Variants in TTL observed in about 807,000 individuals in gnomAD.
TTL encodes tubulin--tyrosine ligase.
TTL carries 10 observed loss-of-function variants against 41.1 expected under a neutral mutation model. That is an observed-to-expected ratio of 0.24 (90% CI 0.15 to 0.41). The LOEUF (loss-of-function observed/expected upper bound fraction) is 0.41, where lower values mean the gene tolerates loss of function less well. Ranked by LOEUF, TTL falls within the 10% of genes least tolerant of loss-of-function variation. TTL has a pLI of 1.00. For missense variants in TTL, 367 were observed against 460.4 expected (o/e 0.80, Z 1.86); for synonymous variants, 175 against 175.5 (o/e 1.00, Z 0.02).
chr2:112,485,834 A>G (rs1230327342), intron 1 of TTL, 83 bp from the exon 2 acceptor site: 1 of 1,248,146 alleles, frequency 8.0e-7, no homozygotes, highest in Admixed American at 2.2e-5. Flanking sequence ...GATGAGAGAG[A>G]GAAAAGCTGG....
intron 5 of TTL, among the ~76,000 whole-genome samples, chr2:112,515,618 A>T (rs528287566): frequency 6.6e-6 from 1 of 152,316 alleles, no homozygotes; most frequent in South Asian, 2.1e-4. Flanking sequence ...CATTTACAGC[A>T]TCCCAGAAGA....
At chr2:112,528,335 C>T (rs1287558200) in intron 6 of TTL, among the ~76,000 whole-genome samples, 2 of 152,172 alleles carry the variant, frequency 1.3e-5, no homozygotes, top group Non-Finnish European at 2.9e-5. Context: ...CACGGTGGCT[C>T]ACGCCTGTAA....
At position 112,531,202 on chromosome 2, in the gene TTL, C is replaced by T; in HGVS notation, c.*2407C>T. The T allele has an allele frequency of 4.5e-6, 1 of 221,636 alleles. No homozygotes were observed. Among genetic ancestry groups the T allele is most frequent in the Non-Finnish European group, 9.1e-6 (1 of 110,384 alleles). 13.7% of individuals were successfully genotyped at this position (221,636 alleles called of 1,614,324 possible). The stretch of plus-strand genomic sequence containing the variant: ...TGGTTCAGAACTGTTCCTTTCCCTT[C>T]CATGATGTCCTTGACACAGAAGGTT... On this transcript the variant is annotated 3_prime_UTR_variant, in exon 7 of 7. Coordinates refer to ENST00000233336, the MANE Select transcript of TTL (RefSeq NM_153712.5).
chr2:112,537,930 G>A lies in TTL; in HGVS notation c.*9135G>A, dbSNP rs1243532067. ...AGCAAAATACACATCCTTCTCAAGT[G>A]CACATGGAACATTCTCTGGGGTAGA... is the stretch of plus-strand genomic sequence containing the variant. On this transcript the variant is annotated 3_prime_UTR_variant, in exon 7 of 7. Transcript: ENST00000233336. 1 of 152,158 alleles carries A rather than the reference G, an allele frequency of 6.6e-6. No individual in the cohort carries two copies. Among genetic ancestry groups the A allele is most frequent in the Non-Finnish European group, 1.5e-5 (1 of 68,038 alleles). The allele number at this position is 152,158 out of a possible 1,614,324, so 9.4% of individuals were successfully genotyped here.
rs576278879 is a variant in TTL, at chr2:112,525,114, T to A, written c.1020-3567T>A. ...TCAGGTGGTTGTAGATGTGTGACAT[T>A]ATTTCTGAGGGCTCTGTTCTGTTCC... On this transcript the variant is annotated intron_variant, in intron 6 of 6. Coordinates refer to ENST00000233336, the MANE Select transcript of TTL (RefSeq NM_153712.5). 2.6e-5 allele frequency among the ~76,000 whole-genome samples: 4 copies of A among 152,344 alleles called. No homozygotes were observed. In the East Asian group the frequency reaches 7.7e-4, roughly 29 times the overall value.
rs111264304 is a variant in TTL, at chr2:112,514,381, C to CAAA, written c.876-5890_876-5888dup. ...TGGGTGACAGAGCAAGACTCTGTTT[C>CAAA]AAAAAAAAAAAAACTAATTTTTAGT... is the stretch of plus-strand genomic sequence containing the variant. On this transcript the variant is annotated intron_variant, in intron 5 of 6. Transcript: ENST00000233336. 8.3e-3 allele frequency among the ~76,000 whole-genome samples: 1,112 copies of CAAA among 134,248 alleles called. 13 individuals carry two copies. The highest frequency in any genetic ancestry group is 0.028 in the African/African-American group (1,024 of 36,794). 88.1% of individuals were successfully genotyped at this position (134,248 alleles called of 152,430 possible). A position where few individuals can be genotyped will look rare whatever the true frequency, so the allele number is the denominator to read the frequency against.
chr2:112,493,582 G>A (rs115497568), intron 2 of TTL, among the ~76,000 whole-genome samples: 6,346 of 152,234 alleles, frequency 0.042, 459 homozygotes, highest in African/African-American at 0.14. Flanking sequence ...GGTATTTGGG[G>A]AGCAGGAGGT....
At chr2:112,524,335 G>A (rs549027289) in intron 6 of TTL, among the ~76,000 whole-genome samples, 4 of 152,286 alleles carry the variant, frequency 2.6e-5, no homozygotes, top group African/African-American at 9.6e-5. Flanking sequence ...GGGTCAAATG[G>A]TATTTCTAGT....
At chr2:112,509,804 T>C (rs1681876722) in intron 5 of TTL, among the ~76,000 whole-genome samples, 1 of 152,240 alleles carries the variant, frequency 6.6e-6, no homozygotes, top group Non-Finnish European at 1.5e-5. Context: ...CTGGGAGCTG[T>C]AGACCGGAGC....
intron 5 of TTL, among the ~76,000 whole-genome samples, chr2:112,503,658 CT>C (rs1202499627): frequency 0.23 from 24,009 of 105,034 alleles, 2,666 homozygotes; most frequent in African/African-American, 0.33. Context: ...GTCTTGAACT[CT>C]TTTTTTTTTT....
intron 1 of TTL, chr2:112,483,525 C>T (rs1259041112): frequency 6.6e-6 from 1 of 152,256 alleles, no homozygotes; most frequent in Non-Finnish European, 1.5e-5. Context: ...TCACCTCTAC[C>T]TTGGAGGGCA....
Position 112,501,189 on chromosome 2 carries a change from T to C in TTL, c.470-17T>C, listed in dbSNP as rs1559013968. 4 of 1,599,490 alleles carry C rather than the reference T, an allele frequency of 2.5e-6. No individual in the cohort carries two copies. Among genetic ancestry groups the C allele is most frequent in the African/African-American group, 1.4e-5 (1 of 73,858 alleles). ...GTTTGAATTGGATTGGTTTGTCTTT[T>C]GCTTTTTCCCTGTTAGGTGAAGGCA... On this transcript the variant is annotated splice_polypyrimidine_tract_variant and intron_variant, in intron 3 of 6. Transcript: ENST00000233336.
rs368752810 is a variant in TTL at position 112,519,838 on chromosome 2, A to G, written c.876-444A>G. ...GTAACCTAATGGTAATAAGTTGAAA[A>G]GAGAGAATTAGGCCGGGCACGATGG... On this transcript the variant is annotated intron_variant, in intron 5 of 6. Transcript: ENST00000233336. Among the ~76,000 whole-genome samples the G allele has an allele frequency of 3.9e-5, 6 of 152,222 alleles. No individual in the cohort carries two copies. In the South Asian group the frequency reaches 1.2e-3, roughly 32 times the overall value.
chr2:112,511,091 T>C (rs3910512), intron 5 of TTL, among the ~76,000 whole-genome samples: 62,197 of 151,880 alleles, frequency 0.41, 12,972 homozygotes, highest in East Asian at 0.59. Context: ...AAACATGGTT[T>C]GCTGCAGCCT....
intron 2 of TTL, among the ~76,000 whole-genome samples, chr2:112,493,879 A>T (rs906581149): frequency 6.6e-6 from 1 of 152,164 alleles, no homozygotes; most frequent in Non-Finnish European, 1.5e-5. Flanking sequence ...TTCATTAGAG[A>T]TGCATTTTAA....
chr2:112,512,825 C>A (rs902841445), intron 5 of TTL, among the ~76,000 whole-genome samples: 2 of 152,150 alleles, frequency 1.3e-5, no homozygotes, highest in African/African-American at 4.8e-5. Context: ...TCTGTCCCCT[C>A]CTTTATTGTA....
chr2:112,501,904 CT>C (rs1205482426), intron 4 of TTL, among the ~76,000 whole-genome samples: 1 of 151,384 alleles, frequency 6.6e-6, no homozygotes, highest in Admixed American at 6.6e-5. Context: ...ATAAAAATGA[CT>C]TGTGGATTCA....
At chr2:112,489,803 CT>C (rs1681332878) in intron 2 of TTL, among the ~76,000 whole-genome samples, 6 of 152,048 alleles carry the variant, frequency 3.9e-5, no homozygotes, top group Admixed American at 3.3e-4. Flanking sequence ...TTAAATTTAT[CT>C]TGTTTATATG....
rs952389950 is a variant in TTL at position 112,541,040 on chromosome 2, T to C, written c.*12245T>C. ...TGACAGAAATGATGAATGCTTGAGG[T>C]GATGGAAACCCCATCTACCCTCCTG... On this transcript the variant is annotated 3_prime_UTR_variant, in exon 7 of 7. Transcript: ENST00000233336. 2 of 152,328 alleles carry C rather than the reference T, an allele frequency of 1.3e-5. No individual in the cohort carries two copies. The highest frequency in any genetic ancestry group is 2.1e-4 in the South Asian group (1 of 4,828). 9.4% of individuals were successfully genotyped at this position (152,328 alleles called of 1,614,324 possible).
Sources: allele counts gnomAD v4.1 joint callset (sites outside exome capture counted in the v4.1 genomes callset), GRCh38; gene constraint gnomAD v4.1.1; transcripts MANE v1.5; gene names NCBI Gene and HGNC (gene_info 2026-07-23, HGNC 2026-07-21).